Variants in MAPK10 observed in about 807,000 individuals in gnomAD.
The protein encoded by MAPK10 is JNK3 alpha protein kinase.
MAPK10 carries 25 observed loss-of-function variants against 59.3 expected under a neutral mutation model. That is an observed-to-expected ratio of 0.42 (90% CI 0.31 to 0.59). MAPK10 has a LOEUF of 0.59. MAPK10 is among the 20% of genes least tolerant of loss of function. The pLI is 0.15. For synonymous variants in MAPK10, 190 were observed against 200.5 expected, an observed-to-expected ratio of 0.95 and a Z score of 0.44; for missense variants, 351 against 568.9, an observed-to-expected ratio of 0.62 and a Z score of 3.90.
chr4:86,363,072 G>C (rs1399556301), upstream of MAPK10, among the ~76,000 whole-genome samples: 1 of 152,108 alleles, frequency 6.6e-6, no homozygotes, highest in Non-Finnish European at 1.5e-5. Context: ...AGATAATTAT[G>C]ATATACAGTC....
intron 1 of MAPK10, among the ~76,000 whole-genome samples, chr4:86,472,348 A>T (rs1179170974): frequency 6.6e-6 from 1 of 152,226 alleles, no homozygotes; most frequent in African/African-American, 2.4e-5. Flanking sequence ...GTGAATAATT[A>T]TCCATTTGTG....
chr4:86,333,418 C>G (rs1368397555), intron 2 of MAPK10, among the ~76,000 whole-genome samples: 1 of 152,154 alleles, frequency 6.6e-6, no homozygotes, highest in East Asian at 1.9e-4. Context: ...AAGTTCTGGA[C>G]AGCATCATCT....
chr4:86,113,639 C>T (rs2057876498), intron 4 of MAPK10, among the ~76,000 whole-genome samples: 1 of 152,032 alleles, frequency 6.6e-6, no homozygotes, highest in South Asian at 2.1e-4. Flanking sequence ...TCTTTGGCTG[C>T]TCTTAACATT....
chr4:86,587,989 C>T (rs191793831), intron 1 of MAPK10, among the ~76,000 whole-genome samples: 6 of 152,284 alleles, frequency 3.9e-5, no homozygotes, highest in Admixed American at 3.9e-4. Flanking sequence ...TGAATAGCCA[C>T]TGCACTCCAG....
At chr4:86,374,664 T>G (rs1284100877) in intron 1 of MAPK10, among the ~76,000 whole-genome samples, 2 of 152,234 alleles carry the variant, frequency 1.3e-5, no homozygotes, top group Non-Finnish European at 1.5e-5. Context: ...AAACAGCAGC[T>G]AATAGGACAC....
intron 1 of MAPK10, among the ~76,000 whole-genome samples, chr4:86,498,105 C>G (rs1755023117): frequency 6.6e-6 from 1 of 152,238 alleles, no homozygotes; most frequent in South Asian, 2.1e-4. Flanking sequence ...TGGCTGCTGT[C>G]ATGAGATAAA....
chr4:86,093,715 C>T (rs1334388317), intron 9 of MAPK10, among the ~76,000 whole-genome samples: 1 of 151,786 alleles, frequency 6.6e-6, no homozygotes, highest in African/African-American at 2.4e-5. Context: ...CTCCTTGAAT[C>T]TACCTATTAA....
intron 2 of MAPK10, among the ~76,000 whole-genome samples, chr4:86,240,121 G>A (rs747048664): frequency 1.2e-4 from 19 of 152,130 alleles, no homozygotes; most frequent in East Asian, 3.9e-4. Flanking sequence ...GAGTCATTCC[G>A]GAGCAGGTTG....
chr4:86,030,586 G>A (rs2038805615), intron 12 of MAPK10, among the ~76,000 whole-genome samples: 1 of 152,098 alleles, frequency 6.6e-6, no homozygotes, highest in African/African-American at 2.4e-5. Context: ...CCCAGCCTCA[G>A]CCTCCCAAAC....
chr4:86,487,989 C>T (rs12649400), intron 1 of MAPK10, among the ~76,000 whole-genome samples: 23,032 of 151,938 alleles, frequency 0.15, 1,792 homozygotes, highest in East Asian at 0.24. Context: ...GACTCAGAGG[C>T]CTCAAGGTCT....
chr4:86,107,477 C>A, intron 4 of MAPK10, 125 bp from the exon 5 acceptor site: 1 of 1,377,938 alleles, frequency 7.3e-7, no homozygotes, highest in Non-Finnish European at 9.4e-7. Flanking sequence ...CTACTCTGGT[C>A]ACATGCCAAT....
intron 4 of MAPK10, among the ~76,000 whole-genome samples, chr4:86,153,374 G>C (rs966668619): frequency 2.0e-5 from 3 of 152,110 alleles, no homozygotes; most frequent in Non-Finnish European, 4.4e-5. Context: ...ACAAACTCTT[G>C]CTGTCAGTTT....
chr4:86,095,437 C>T (rs575220632), intron 9 of MAPK10: 5 of 151,830 alleles, frequency 3.3e-5, no homozygotes, highest in African/African-American at 9.6e-5. Context: ...TTTTCAGCCT[C>T]AAAGTAATTT....
At chr4:86,433,144 G>A (rs1187016398) in intron 1 of MAPK10, among the ~76,000 whole-genome samples, 4 of 152,188 alleles carry the variant, frequency 2.6e-5, no homozygotes, top group Non-Finnish European at 5.9e-5. Flanking sequence ...GTTAATATGA[G>A]AAGCAAGTGG....
intron 9 of MAPK10, among the ~76,000 whole-genome samples, chr4:86,085,716 A>G (rs529444044): frequency 1.3e-5 from 2 of 152,308 alleles, no homozygotes; most frequent in East Asian, 1.9e-4. Context: ...TAGAGCTACC[A>G]TATGATCTGG....
intron 2 of MAPK10, among the ~76,000 whole-genome samples, chr4:86,206,065 T>C (rs2083809987): frequency 1.3e-5 from 2 of 152,032 alleles, no homozygotes; most frequent in African/African-American, 4.8e-5. Context: ...ATTATTATAC[T>C]TTAAGTTTTA....
chr4:86,313,126 T>C (rs1205434927), intron 2 of MAPK10, among the ~76,000 whole-genome samples: 4 of 152,070 alleles, frequency 2.6e-5, no homozygotes, highest in Non-Finnish European at 5.9e-5. Flanking sequence ...CTTTTTACAA[T>C]TGATTAATGG....
At chr4:86,023,607 C>G (rs141565635) in intron 13 of MAPK10, among the ~76,000 whole-genome samples, 4 of 151,932 alleles carry the variant, frequency 2.6e-5, no homozygotes, top group African/African-American at 9.6e-5. Context: ...TCTTTAATTT[C>G]TTTCAACAAT....
intron 4 of MAPK10, among the ~76,000 whole-genome samples, chr4:86,139,481 T>A (rs1335112315): frequency 6.6e-6 from 1 of 151,470 alleles, no homozygotes; most frequent in Admixed American, 6.6e-5. Flanking sequence ...GCTAGCCATA[T>A]GTAGAAAGCT....
Sources: allele counts gnomAD v4.1 joint callset (sites outside exome capture counted in the v4.1 genomes callset), GRCh38; gene constraint gnomAD v4.1.1; transcripts MANE v1.5; gene names NCBI Gene and HGNC (gene_info 2026-07-23, HGNC 2026-07-21).